BCL11B: variants seen among roughly 807,000 people sequenced by gnomAD.
BCL11B encodes the protein B-cell lymphoma/leukemia 11B.
BCL11B carries 8 observed loss-of-function variants against 49.9 expected under a neutral mutation model. That is an observed-to-expected ratio of 0.16 (90% CI 0.09 to 0.29). The LOEUF (loss-of-function observed/expected upper bound fraction) is 0.29, where lower values mean the gene tolerates loss of function less well. Ranked by LOEUF, BCL11B falls within the 10% of genes least tolerant of loss-of-function variation. BCL11B has a pLI of 1.00. For missense variants in BCL11B, 1,006 were observed against 1,351.0 expected (o/e 0.74, Z 4.00); for synonymous variants, 739 against 637.4 (o/e 1.16, Z -2.40).
chr14:99,187,972 T>C (rs1359749056), intron 3 of BCL11B, among the ~76,000 whole-genome samples: 1 of 152,204 alleles, frequency 6.6e-6, no homozygotes, highest in Non-Finnish European at 1.5e-5. Flanking sequence ...ATTGACGTTA[T>C]GGAGAGCCTC....
chr14:99,175,506 C>T lies in BCL11B; in HGVS notation c.1330G>A (p.Val444Met). 6.2e-7 allele frequency: 1 copy of T among 1,609,780 alleles called. No homozygotes were observed. Among genetic ancestry groups the T allele is most frequent in the Non-Finnish European group, 8.5e-7 (1 of 1,177,926 alleles). ...TCGCCCGTGTGACTGCGCCGGTGCA[C>T]GATGAGATTGCTCTGGAACTTGAAG... ...KTFKFQSNLI[V>M]HRRSHTGEKP... Residue 444 changes from valine (V) to methionine (M), a missense_variant, in exon 4 of 4, where the codon GTG (valine) becomes ATG (methionine). Around this residue, in one of 6 missense-constraint regions of BCL11B, gnomAD observed 15 missense variants for 75.3 expected, o/e 0.20. Transcript: ENST00000357195.
At chr14:99,233,031 T>G (rs1888384118) in intron 2 of BCL11B, among the ~76,000 whole-genome samples, 1 of 152,110 alleles carries the variant, frequency 6.6e-6, no homozygotes, top group Non-Finnish European at 1.5e-5. Flanking sequence ...GGGATAGCCC[T>G]GGAAGGATGT....
intron 2 of BCL11B, among the ~76,000 whole-genome samples, chr14:99,235,122 G>T (rs1257413): frequency 1.3e-5 from 2 of 152,028 alleles, no homozygotes; most frequent in African/African-American, 2.4e-5. Context: ...AGCCCCATCC[G>T]GGTTTCAGGG....
In BCL11B at chr14:99,257,758, A is replaced by G. The variant is rs372022855; in HGVS notation, c.140T>C (p.Met47Thr). ...CAGGTCAGGGTCGGGGCCACCCACC[A>G]TCAGCCCCAGGCCACTTGGCTCCTC... is the stretch of plus-strand genomic sequence containing the variant. Reference protein sequence around the residue: ...EIEEPSGLGLMVGGPDPDLLT... With the variant: ...EIEEPSGLGLTVGGPDPDLLT... Residue 47 changes from methionine to threonine, a missense_variant, in exon 2 of 4, where the codon ATG (methionine) becomes ACG (threonine). Around this residue, in one of 6 missense-constraint regions of BCL11B, gnomAD observed 411 missense variants for 542.2 expected, o/e 0.76. Transcript: ENST00000357195. This position sits in a 1 kb window ranked among gnomAD's most constrained non-coding sequence, Gnocchi z 6.2. 6.8e-6 allele frequency: 11 copies of G among 1,606,090 alleles called. No homozygotes were observed. Among genetic ancestry groups the G allele is most frequent in the South Asian group, 1.1e-5 (1 of 90,200 alleles).
chr14:99,208,049 C>G (rs1887584760), intron 3 of BCL11B, among the ~76,000 whole-genome samples: 1 of 152,292 alleles, frequency 6.6e-6, no homozygotes, highest in South Asian at 2.1e-4. Flanking sequence ...GAAGTCTACC[C>G]CAGGAGGCCT....
At position 99,175,146 on chromosome 14, in the gene BCL11B, G is replaced by C. The variant is rs747139882; in HGVS notation, c.1690C>G (p.Arg564Gly). 6.3e-7 allele frequency: 1 copy of C among 1,595,310 alleles called. No homozygotes were observed. The highest frequency in any genetic ancestry group is 1.3e-5 in the African/African-American group (1 of 74,528). Reference sequence around the variant, plus strand: ...CCACCACCGCCGTTCTCGCGGTTGCGGCTCAGCTCCGAGTCCATGCTGAAG... The same window carrying C: ...CCACCACCGCCGTTCTCGCGGTTGCCGCTCAGCTCCGAGTCCATGCTGAAG... Reference protein sequence around the residue: ...SSFSMDSELSRNRENGGGGVP... With the variant: ...SSFSMDSELSGNRENGGGGVP... Residue 564 changes from arginine to glycine, a missense_variant, in exon 4 of 4, where the codon CGC (arginine) becomes GGC (glycine). Coordinates refer to ENST00000357195, the MANE Select transcript of BCL11B (RefSeq NM_138576.4).
chr14:99,226,648 A>G (rs1336194692), intron 3 of BCL11B, among the ~76,000 whole-genome samples: 2 of 152,252 alleles, frequency 1.3e-5, no homozygotes, highest in Non-Finnish European at 2.9e-5. Flanking sequence ...GCCACTTTCC[A>G]GGCAGACTGC....
At chr14:99,237,057 T>C (rs1462104179) in intron 2 of BCL11B, among the ~76,000 whole-genome samples, 3 of 144,108 alleles carry the variant, frequency 2.1e-5, no homozygotes, top group Non-Finnish European at 4.6e-5. Context: ...ATCCCTTTTT[T>C]TGGGGGGCTG....
chr14:99,186,851 C>T (rs1335923862), intron 3 of BCL11B, among the ~76,000 whole-genome samples: 2 of 152,192 alleles, frequency 1.3e-5, no homozygotes, highest in Non-Finnish European at 2.9e-5. Context: ...AGAGGACCAC[C>T]TTCCCAAGCT....
At chr14:99,210,102 C>T (rs955698676) in intron 3 of BCL11B, among the ~76,000 whole-genome samples, 11 of 152,106 alleles carry the variant, frequency 7.2e-5, no homozygotes, top group African/African-American at 2.7e-4. Context: ...CAGAGGCTGC[C>T]CTACCTCTCA....
intron 3 of BCL11B, among the ~76,000 whole-genome samples, chr14:99,178,495 C>T (rs1352875990): frequency 6.6e-6 from 1 of 152,302 alleles, no homozygotes; most frequent in East Asian, 1.9e-4. Context: ...CCCAACACCA[C>T]AGCCCTCCTG....
rs1257685442 is a variant in BCL11B at position 99,232,838 on chromosome 14, C to G, written c.428-1281G>C. On this transcript the variant is annotated intron_variant, in intron 2 of 3. Coordinates refer to ENST00000357195, the MANE Select transcript of BCL11B (RefSeq NM_138576.4). This position sits in a 1 kb window ranked among gnomAD's most constrained non-coding sequence, Gnocchi z 5.1. ...CTCTTTCTCTGTAGCCCTGGTTTCT[C>G]TAAAACATGGGTTATCCAGGATCAA... is the stretch of plus-strand genomic sequence containing the variant. 1.3e-5 allele frequency among the ~76,000 whole-genome samples: 2 copies of G among 152,212 alleles called. No individual in the cohort carries two copies. The highest frequency in any genetic ancestry group is 1.5e-5 in the Non-Finnish European group (1 of 68,038).
intron 2 of BCL11B, among the ~76,000 whole-genome samples, chr14:99,239,316 A>G (rs1481505834): frequency 6.6e-6 from 1 of 152,216 alleles, no homozygotes; most frequent in African/African-American, 2.4e-5. Context: ...ACTACATGTC[A>G]TCTGCATGAA....
intron 3 of BCL11B, among the ~76,000 whole-genome samples, chr14:99,223,878 T>C (rs1488693908): frequency 1.3e-5 from 2 of 152,210 alleles, no homozygotes; most frequent in African/African-American, 2.4e-5. Flanking sequence ...AGCTGCACCA[T>C]GGCAATAAGT....
chr14:99,185,731 C>A (rs1422735201), intron 3 of BCL11B, among the ~76,000 whole-genome samples: 5 of 151,626 alleles, frequency 3.3e-5, no homozygotes. Context: ...ACAGGGCTGT[C>A]CTTACTCCCG....
Position 99,241,508 on chromosome 14 carries a change from A to G in BCL11B, c.428-9951T>C, listed in dbSNP as rs1888670809. Among the ~76,000 whole-genome samples, 1 of 152,120 alleles carries G rather than the reference A, an allele frequency of 6.6e-6. No individual in the cohort carries two copies. The stretch of plus-strand genomic sequence containing the variant: ...AAAAATCTTCGCACCACATCACCAA[A>G]ATGGCAGAAAAATTAAGTCTTGGGG... On this transcript the variant is annotated intron_variant, in intron 2 of 3. Transcript: ENST00000357195. This position sits in a 1 kb window ranked among gnomAD's most constrained non-coding sequence, Gnocchi z 4.4.
intron 3 of BCL11B, among the ~76,000 whole-genome samples, chr14:99,198,440 C>T (rs1222828484): frequency 2.0e-5 from 3 of 152,176 alleles, no homozygotes; most frequent in Non-Finnish European, 2.9e-5. Context: ...TTTCCCACAT[C>T]GCTAGAAGTG....
At chr14:99,209,160 A>G (rs941907169) in intron 3 of BCL11B, among the ~76,000 whole-genome samples, 1 of 152,130 alleles carries the variant, frequency 6.6e-6, no homozygotes, top group Non-Finnish European at 1.5e-5. Context: ...CTGGACTCCT[A>G]TGAGCCCCAG....
chr14:99,215,113 G>A (rs879587451), intron 3 of BCL11B, among the ~76,000 whole-genome samples: 2 of 113,436 alleles, frequency 1.8e-5, no homozygotes, highest in Non-Finnish European at 3.6e-5. Flanking sequence ...CCCCCACCCT[G>A]CAATGAAGAA....
Sources: gnomAD v4.1 joint callset for allele counts (sites outside exome capture counted in the v4.1 genomes callset) on GRCh38, gnomAD v4.1.1 for gene constraint, gnomAD v4.1.1 regional missense constraint, Gnocchi (gnomAD v3.1) non-coding constraint, MANE v1.5 for transcripts, NCBI Gene and HGNC (gene_info 2026-07-23, HGNC 2026-07-21) for gene names.